The following USP4 variants were observed in gnomAD, a reference collection of about 807,000 sequenced individuals.
The protein encoded by USP4 is ubiquitin specific peptidase 4, also known as ubiquitin carboxyl-terminal hydrolase 4.
A neutral mutation model predicts 118.2 loss-of-function variants in USP4; 72 were observed. That is an observed-to-expected ratio of 0.61 (90% CI 0.50 to 0.74). USP4 has a LOEUF of 0.74. USP4 is among the 30% of genes least tolerant of loss of function. The pLI is 0.00. For missense variants in USP4, 1,037 were observed against 1,185.7 expected (o/e 0.87, Z 1.84); for synonymous variants, 415 against 440.4 (o/e 0.94, Z 0.72).
intron 3 of USP4, 103 bp from the exon 4 acceptor site, chr3:49,325,948 T>C: frequency 7.1e-7 from 1 of 1,414,692 alleles, no homozygotes; most frequent in Non-Finnish European, 9.7e-7. Flanking sequence ...CTCATGATAA[T>C]CCATTTCCTT....
chr3:49,296,734 G>C (rs1286007363), intron 13 of USP4, among the ~76,000 whole-genome samples: 2 of 152,236 alleles, frequency 1.3e-5, no homozygotes, highest in Non-Finnish European at 2.9e-5. Flanking sequence ...ATCTATAAAA[G>C]AATTTGTTTT....
intron 6 of USP4, chr3:49,312,645 A>G (rs975203750): frequency 1.9e-5 from 7 of 367,044 alleles, no homozygotes; most frequent in Non-Finnish European, 3.8e-5. Flanking sequence ...TAAAGAAATT[A>G]GCCAGGCATG....
At chr3:49,314,149 T>C (rs914057064) in intron 6 of USP4, 8 of 152,192 alleles carry the variant, frequency 5.3e-5, no homozygotes, top group African/African-American at 1.9e-4. Flanking sequence ...TGGGATCTGA[T>C]CTCAACTTGG....
Position 49,305,698 on chromosome 3 carries a change from T to C in USP4, c.1128+17A>G, listed in dbSNP as rs1026661060. ...TATACAGGGATACCCAACCCATATATATATATGTCTACCTACTTTGAACAT... is the reference window on the plus strand; with the variant it reads ...TATACAGGGATACCCAACCCATATACATATATGTCTACCTACTTTGAACAT... On this transcript the variant is annotated intron_variant, in intron 9 of 21. Coordinates refer to ENST00000265560, the MANE Select transcript of USP4 (RefSeq NM_003363.4). 3.8e-6 allele frequency: 6 copies of C among 1,585,576 alleles called. No individual in the cohort carries two copies. Among genetic ancestry groups the C allele is most frequent in the South Asian group, 2.3e-5 (2 of 86,446 alleles).
intron 3 of USP4, among the ~76,000 whole-genome samples, chr3:49,327,273 C>T (rs1446908022): frequency 1.3e-5 from 2 of 152,142 alleles, no homozygotes; most frequent in African/African-American, 4.8e-5. Context: ...CGTAGTGGCT[C>T]ACGCCTGTAA....
intron 6 of USP4, among the ~76,000 whole-genome samples, chr3:49,313,342 C>T (rs2047405595): frequency 6.6e-6 from 1 of 152,010 alleles, no homozygotes; most frequent in Non-Finnish European, 1.5e-5. Flanking sequence ...GCCTTACCAA[C>T]GTGGTGGAAC....
chr3:49,294,300 G>T, intron 14 of USP4, 107 bp downstream of exon 14: 1 of 1,243,028 alleles, frequency 8.0e-7, no homozygotes, highest in Non-Finnish European at 1.1e-6. Context: ...ATTTCTTACA[G>T]AGGTGAGCAT....
intron 9 of USP4, 72 bp from the exon 10 acceptor site, chr3:49,302,614 C>CA: frequency 6.7e-7 from 1 of 1,485,342 alleles, no homozygotes. Context: ...GAATTGCCAT[C>CA]AAAAATAGCT....
chr3:49,295,800 A>T (rs1410077565), intron 13 of USP4, among the ~76,000 whole-genome samples: 1 of 152,038 alleles, frequency 6.6e-6, no homozygotes, highest in Admixed American at 6.6e-5. Flanking sequence ...AATTTCTAAT[A>T]CATAAAAATG....
intron 20 of USP4, 106 bp downstream of exon 20, chr3:49,280,638 T>G: frequency 1.2e-6 from 1 of 805,754 alleles, no homozygotes; most frequent in Non-Finnish European, 2.0e-6. Flanking sequence ...ATGAAGCCTG[T>G]GAAACTGCAT....
At chr3:49,333,017 CT>C (rs924405074) in intron 2 of USP4, among the ~76,000 whole-genome samples, 143 of 126,036 alleles carry the variant, frequency 1.1e-3, no homozygotes, top group Non-Finnish European at 1.2e-3. Flanking sequence ...CAGTAGCTAC[CT>C]TTTTTTTTTT....
chr3:49,314,219 T>A (rs1250877869), intron 6 of USP4, among the ~76,000 whole-genome samples: 1 of 152,118 alleles, frequency 6.6e-6, no homozygotes, highest in Non-Finnish European at 1.5e-5. Context: ...ATACCAGCAA[T>A]GGGCACATCA....
intron 1 of USP4, among the ~76,000 whole-genome samples, chr3:49,337,022 C>G (rs927445832): frequency 1.3e-5 from 2 of 152,100 alleles, no homozygotes; most frequent in Admixed American, 6.6e-5. Context: ...CAGTGGCTCA[C>G]ACCTGTAATC....
intron 6 of USP4, among the ~76,000 whole-genome samples, chr3:49,320,934 G>T (rs1040879573): frequency 5.9e-5 from 9 of 152,046 alleles, no homozygotes; most frequent in Admixed American, 4.6e-4. Context: ...ACATGATGCA[G>T]TCCTGCTATA....
intron 6 of USP4, among the ~76,000 whole-genome samples, chr3:49,323,271 TAA>T (rs1173500243): frequency 0.028 from 2,857 of 101,180 alleles, 126 homozygotes; most frequent in African/African-American, 0.1. Context: ...CTGGCCTTTT[TAA>T]AAAAAAAAAA....
chr3:49,326,149 T>G (rs928060690), intron 3 of USP4, among the ~76,000 whole-genome samples: 7 of 152,008 alleles, frequency 4.6e-5, no homozygotes, highest in Non-Finnish European at 1.0e-4. Flanking sequence ...AAACCCCATT[T>G]CTATGAAAAA....
At chr3:49,334,840 G>A (rs1354983480) in intron 2 of USP4, among the ~76,000 whole-genome samples, 1 of 152,178 alleles carries the variant, frequency 6.6e-6, no homozygotes, top group East Asian at 1.9e-4. Flanking sequence ...TGACACCCAT[G>A]ACAGATCACC....
chr3:49,325,436 A>T (rs1387105544), intron 4 of USP4, among the ~76,000 whole-genome samples: 1 of 151,876 alleles, frequency 6.6e-6, no homozygotes, highest in Non-Finnish European at 1.5e-5. Flanking sequence ...GCTCACTGTA[A>T]ACCTTGCTGA....
chr3:49,295,174 AC>A (rs1400899217), intron 13 of USP4, among the ~76,000 whole-genome samples: 1 of 150,882 alleles, frequency 6.6e-6, no homozygotes, highest in Non-Finnish European at 1.5e-5. Context: ...CTGCAGTCCC[AC>A]CTACTCGGGA....
Sources: allele counts gnomAD v4.1 joint callset (sites outside exome capture counted in the v4.1 genomes callset), GRCh38; gene constraint gnomAD v4.1.1; transcripts MANE v1.5; gene names NCBI Gene and HGNC (gene_info 2026-07-23, HGNC 2026-07-21).